Variants in CEMIP observed in about 807,000 individuals in gnomAD.
The protein encoded by CEMIP is cell migration inducing hyaluronidase 1.
Under a neutral mutation model 156.9 loss-of-function variants are expected in CEMIP, and 105 were observed. That is an observed-to-expected ratio of 0.67 (90% CI 0.57 to 0.79). The LOEUF (loss-of-function observed/expected upper bound fraction) is 0.79, where lower values mean the gene tolerates loss of function less well. Ranked by LOEUF, CEMIP falls within the 30% of genes least tolerant of loss-of-function variation. The pLI is 0.00. For missense variants in CEMIP, 1,457 were observed against 1,769.4 expected, an observed-to-expected ratio of 0.82 and a Z score of 3.17; for synonymous variants, 676 against 668.4, an observed-to-expected ratio of 1.01 and a Z score of -0.17.
At position 80,932,723 on chromosome 15, in the gene CEMIP, G is replaced by C. The variant is rs1035962877; in HGVS notation, c.2794-522G>C. Among the ~76,000 whole-genome samples, 3 of 152,214 alleles carry C rather than the reference G, an allele frequency of 2.0e-5. No homozygotes were observed. Among genetic ancestry groups the C allele is most frequent in the Non-Finnish European group, 4.4e-5 (3 of 68,042 alleles). ...ACTTAATGTCTTTACTCAGGCAACT[G>C]AGAGCCTGAAAGAGGTCAGTTATGG... On this transcript the variant is annotated intron_variant, in intron 22 of 29. Transcript: ENST00000394685. This position sits in a 1 kb window ranked among gnomAD's most constrained non-coding sequence, Gnocchi z 4.5.
At chr15:80,864,085 C>G (rs932626131) in intron 1 of CEMIP, among the ~76,000 whole-genome samples, 1 of 152,146 alleles carries the variant, frequency 6.6e-6, no homozygotes, top group Admixed American at 6.5e-5. Context: ...TTCTCATACC[C>G]TGGCCCTCTG....
intron 13 of CEMIP, among the ~76,000 whole-genome samples, chr15:80,907,083 C>T (rs1046706646): frequency 1.3e-5 from 2 of 151,288 alleles, no homozygotes; most frequent in African/African-American, 4.9e-5. Flanking sequence ...TCTCTGCTCT[C>T]GGCCACGTGG....
intron 12 of CEMIP, among the ~76,000 whole-genome samples, chr15:80,904,969 C>CA (rs1383350340): frequency 4.0e-5 from 6 of 151,848 alleles, no homozygotes; most frequent in African/African-American, 7.3e-5. Flanking sequence ...TAAGATACTT[C>CA]AAAAAAAACC....
At chr15:80,844,367 G>A (rs1039798778) in intron 1 of CEMIP, among the ~76,000 whole-genome samples, 2 of 152,210 alleles carry the variant, frequency 1.3e-5, no homozygotes, top group African/African-American at 4.8e-5. Context: ...ACAAGCAAAG[G>A]CCATTTTTTA....
chr15:80,922,988 G>T (rs1268238715), intron 17 of CEMIP, among the ~76,000 whole-genome samples: 1 of 152,196 alleles, frequency 6.6e-6, no homozygotes, highest in South Asian at 2.1e-4. Flanking sequence ...AAAAACTGAC[G>T]TTCCTCAAAG....
intron 21 of CEMIP, among the ~76,000 whole-genome samples, chr15:80,930,722 T>G (rs952532740): frequency 6.6e-6 from 1 of 152,176 alleles, no homozygotes; most frequent in African/African-American, 2.4e-5. Context: ...AGGGTCTTCC[T>G]CAAGGAACCA....
At chr15:80,783,492 T>C (rs540211925) in intron 1 of CEMIP, among the ~76,000 whole-genome samples, 1 of 152,326 alleles carries the variant, frequency 6.6e-6, no homozygotes, top group African/African-American at 2.4e-5. Flanking sequence ...GATCACATTC[T>C]TACTCTCTTG....
chr15:80,852,371 A>G lies in CEMIP; in HGVS notation c.-175-21167A>G, dbSNP rs1184186120. Among the ~76,000 whole-genome samples, 4 of 152,066 alleles carry G rather than the reference A, an allele frequency of 2.6e-5. No individual in the cohort carries two copies. In the East Asian group the frequency reaches 5.8e-4, roughly 22 times the overall value. On this transcript the variant is annotated intron_variant, in intron 1 of 29. Coordinates refer to ENST00000394685, the MANE Select transcript of CEMIP (RefSeq NM_001293298.2). ...CAGAATCAGAACCTTTTTGGATTCC[A>G]TGGCTACTTCCAATGTGTGTGTGTG...
At chr15:80,876,093 T>C (rs1390635211) in intron 3 of CEMIP, among the ~76,000 whole-genome samples, 1 of 152,240 alleles carries the variant, frequency 6.6e-6, no homozygotes. Flanking sequence ...TTGCAATGGC[T>C]CCTTCCCAGC....
At chr15:80,782,085 C>T (rs1293355376) in intron 1 of CEMIP, among the ~76,000 whole-genome samples, 4 of 152,278 alleles carry the variant, frequency 2.6e-5, no homozygotes, top group African/African-American at 9.6e-5. Flanking sequence ...AATCGGTCAA[C>T]TGTTTTCCCC....
At chr15:80,795,588 A>G (rs1480968280) in intron 1 of CEMIP, among the ~76,000 whole-genome samples, 1 of 152,158 alleles carries the variant, frequency 6.6e-6, no homozygotes, top group Non-Finnish European at 1.5e-5. Context: ...TCCAGGACAC[A>G]CTGGGCACGG....
intron 1 of CEMIP, among the ~76,000 whole-genome samples, chr15:80,854,357 G>A (rs971766051): frequency 2.0e-5 from 3 of 152,334 alleles, no homozygotes; most frequent in Non-Finnish European, 4.4e-5. Context: ...CCAAGCGTGG[G>A]CTGCAGCTCC....
At chr15:80,799,278 C>T (rs906569116) in intron 1 of CEMIP, among the ~76,000 whole-genome samples, 1 of 152,180 alleles carries the variant, frequency 6.6e-6, no homozygotes, top group Non-Finnish European at 1.5e-5. Context: ...GGCTGCCAGC[C>T]GCCTTGTGAG....
chr15:80,786,282 G>T (rs1006411937), intron 1 of CEMIP, among the ~76,000 whole-genome samples: 2 of 152,142 alleles, frequency 1.3e-5, no homozygotes, highest in African/African-American at 2.4e-5. Flanking sequence ...TGTCACCCGG[G>T]CTAGAGAGCA....
At chr15:80,823,426 C>T (rs1246506821) in intron 1 of CEMIP, among the ~76,000 whole-genome samples, 1 of 152,188 alleles carries the variant, frequency 6.6e-6, no homozygotes, top group Non-Finnish European at 1.5e-5. Flanking sequence ...TTAGTTGGGG[C>T]ATGGATGGAG....
At chr15:80,789,797 G>A (rs1168077689) in intron 1 of CEMIP, among the ~76,000 whole-genome samples, 1 of 152,182 alleles carries the variant, frequency 6.6e-6, no homozygotes, top group Non-Finnish European at 1.5e-5. Flanking sequence ...GAATGACCAT[G>A]TAGTGAAGTT....
At chr15:80,823,631 G>A (rs1360984122) in intron 1 of CEMIP, among the ~76,000 whole-genome samples, 2 of 152,100 alleles carry the variant, frequency 1.3e-5, no homozygotes, top group African/African-American at 2.4e-5. Context: ...ATATGAGGAG[G>A]CCCCATTTTC....
chr15:80,935,099 C>T lies in CEMIP; in HGVS notation c.3010-1575C>T, dbSNP rs368980625. 5.9e-5 allele frequency among the ~76,000 whole-genome samples: 9 copies of T among 152,052 alleles called. 1 individual carries two copies. Among genetic ancestry groups the T allele is most frequent in the East Asian group, 1.9e-4 (1 of 5,190 alleles). On this transcript the variant is annotated intron_variant, in intron 23 of 29. Coordinates refer to ENST00000394685, the MANE Select transcript of CEMIP (RefSeq NM_001293298.2). Reference sequence around the variant, plus strand: ...CCCTGCTCAAGAGCCCTGGGAGAGGCGGAGCTGTGCAATGAGCCATGGGGT... The same window carrying T: ...CCCTGCTCAAGAGCCCTGGGAGAGGTGGAGCTGTGCAATGAGCCATGGGGT...
intron 12 of CEMIP, among the ~76,000 whole-genome samples, chr15:80,900,648 G>GTGTGTGTGTGTGTGTGTAT (rs1567090991): frequency 5.4e-5 from 6 of 111,924 alleles, no homozygotes; most frequent in African/African-American, 1.7e-4. Context: ...GTGTGTGTGT[G>GTGTGTGTGTGTGTGTGTAT]TCTGTGTGTG....
Sources: gnomAD v4.1 joint callset for allele counts (sites outside exome capture counted in the v4.1 genomes callset) on GRCh38, gnomAD v4.1.1 for gene constraint, Gnocchi (gnomAD v3.1) non-coding constraint, MANE v1.5 for transcripts, NCBI Gene and HGNC (gene_info 2026-07-23, HGNC 2026-07-21) for gene names.